Variants in ZC3H6 observed in about 807,000 individuals in gnomAD.
The protein encoded by ZC3H6 is zinc finger CCCH-type containing 6, also known as zinc finger CCCH domain-containing protein 6.
Under a neutral mutation model 107.7 loss-of-function variants are expected in ZC3H6, and 40 were observed. The ratio of observed to expected loss-of-function variants is 0.37; its 90% confidence interval spans 0.29 to 0.48. ZC3H6 has a LOEUF of 0.48. Ranked by LOEUF, ZC3H6 falls within the 20% of genes least tolerant of loss-of-function variation. The pLI is 0.98. For missense variants in ZC3H6, 1,267 were observed against 1,410.4 expected, an observed-to-expected ratio of 0.90 and a Z score of 1.63; for synonymous variants, 493 against 487.9, an observed-to-expected ratio of 1.01 and a Z score of -0.14.
intron 5 of ZC3H6, 157 bp downstream of exon 5, chr2:112,312,094 GTTAA>G (rs1676606019): frequency 1.2e-5 from 8 of 685,550 alleles, no homozygotes; most frequent in Non-Finnish European, 1.7e-5. Context: ...AAAAATAGTT[GTTAA>G]TTAGTTGTGA....
At chr2:112,323,945 C>T (rs759835609) in intron 9 of ZC3H6, among the ~76,000 whole-genome samples, 6 of 152,088 alleles carry the variant, frequency 3.9e-5, no homozygotes, top group East Asian at 3.8e-4. Flanking sequence ...GAACAGCTAA[C>T]GGTAAGCAGC....
rs555072899 is a variant in ZC3H6 at position 112,337,234 on chromosome 2, C to T, written c.*4746C>T. The T allele has an allele frequency of 6.6e-6, 1 of 151,730 alleles. No individual in the cohort carries two copies. Among genetic ancestry groups the T allele is most frequent in the South Asian group, 2.1e-4 (1 of 4,792 alleles). 9.4% of individuals were successfully genotyped at this position (151,730 alleles called of 1,614,324 possible). On this transcript the variant is annotated 3_prime_UTR_variant, in exon 12 of 12. Coordinates refer to ENST00000409871, the MANE Select transcript of ZC3H6 (RefSeq NM_198581.3). ...CTTCATGGTGAAAGTTTGGATTGAT[C>T]AATAATTTATTCCTATAAAGGTCTG...
intron 3 of ZC3H6, among the ~76,000 whole-genome samples, chr2:112,305,150 G>T (rs2104708845): frequency 6.6e-6 from 1 of 152,228 alleles, no homozygotes; most frequent in East Asian, 1.9e-4. Flanking sequence ...CAGCAACACT[G>T]ATATGTAGTT....
intron 11 of ZC3H6, among the ~76,000 whole-genome samples, chr2:112,330,518 A>T (rs11688511): frequency 0.13 from 19,048 of 152,126 alleles, 1,359 homozygotes; most frequent in Non-Finnish European, 0.16. Flanking sequence ...TTTTCTTTTT[A>T]GTCCATTGTT....
chr2:112,297,263 A>T (rs1676258371), intron 1 of ZC3H6, among the ~76,000 whole-genome samples: 1 of 152,252 alleles, frequency 6.6e-6, no homozygotes, highest in African/African-American at 2.4e-5. Flanking sequence ...ATTTTGAAGC[A>T]GATTTGAGAT....
intron 9 of ZC3H6, 113 bp downstream of exon 9, chr2:112,323,015 C>A: frequency 8.9e-7 from 1 of 1,122,878 alleles, no homozygotes; most frequent in Non-Finnish European, 1.3e-6. Flanking sequence ...AGAGATAGCA[C>A]ATATCTGGCA....
chr2:112,304,501 T>C (rs1676439365), intron 3 of ZC3H6, among the ~76,000 whole-genome samples: 1 of 152,196 alleles, frequency 6.6e-6, no homozygotes, highest in South Asian at 2.1e-4. Flanking sequence ...TGCTTTGTCC[T>C]AACATGGTCA....
At chr2:112,305,409 G>A (rs1388355838) in intron 3 of ZC3H6, among the ~76,000 whole-genome samples, 1 of 152,102 alleles carries the variant, frequency 6.6e-6, no homozygotes, top group Non-Finnish European at 1.5e-5. Flanking sequence ...GAGGCAAGAT[G>A]GATTTGTATG....
At position 112,317,257 on chromosome 2, in the gene ZC3H6, GAGAAA is replaced by G. The variant is rs1676717026; in HGVS notation, c.910_914del (p.Lys304AspfsTer21). On this transcript the variant is annotated frameshift_variant, in exon 7 of 12. Transcript: ENST00000409871. LOFTEE classifies it high-confidence loss of function. The stretch of plus-strand genomic sequence containing the variant: ...TAAATTTGATCATGATGCAGAGTTG[GAGAAA>G]AGAAAAGAGATCTGCAAATTTTATT... 1 of 1,577,614 alleles carries G rather than the reference GAGAAA, an allele frequency of 6.3e-7. No individual in the cohort carries two copies. The highest frequency in any genetic ancestry group is 8.6e-7 in the Non-Finnish European group (1 of 1,165,366).
Position 112,275,932 on chromosome 2 carries a change from C to T in ZC3H6, c.-63C>T, listed in dbSNP as rs1260802045. The T allele has an allele frequency of 1.4e-6, 2 of 1,469,834 alleles. No homozygotes were observed. Among genetic ancestry groups the T allele is most frequent in the African/African-American group, 1.5e-5 (1 of 67,992 alleles). 91.0% of individuals were successfully genotyped at this position (1,469,834 alleles called of 1,614,324 possible). On this transcript the variant is annotated 5_prime_UTR_variant, in exon 1 of 12. Transcript: ENST00000409871. ...CGCAGGCGGCGCGGGGGGTCTTCCC[C>T]GCGCCCCGCCGCCGCCGGCCTCGCA...
At chr2:112,279,601 A>G (rs1320541628) in intron 1 of ZC3H6, among the ~76,000 whole-genome samples, 1 of 152,074 alleles carries the variant, frequency 6.6e-6, no homozygotes, top group Non-Finnish European at 1.5e-5. Context: ...AAGAACAACA[A>G]AACTCCAACT....
At chr2:112,311,962 G>A (rs1676603438) in intron 5 of ZC3H6, 25 bp downstream of exon 5, 3 of 1,557,528 alleles carry the variant, frequency 1.9e-6, no homozygotes, top group Middle Eastern at 1.7e-4. Context: ...TGTATAAGGA[G>A]GGGAGGAGCT....
In ZC3H6 at chr2:112,310,046, T is replaced by A; in HGVS notation, c.498T>A (p.Asp166Glu). 3 of 1,613,458 alleles carry A rather than the reference T, an allele frequency of 1.9e-6. No individual in the cohort carries two copies. The highest frequency in any genetic ancestry group is 1.7e-6 in the Non-Finnish European group (2 of 1,179,686). Reference protein sequence around the residue: ...FGNYGQETEEDFANQLKQYRQ... With the variant: ...FGNYGQETEEEFANQLKQYRQ... ...ACTACGGTCAGGAAACAGAGGAAGA[T>A]TTTGCCAATCAGCTGAAACAATACA... The change falls in exon 4 of 12, where the codon GAT becomes GAA. Residue 166 changes from aspartate to glutamate, a missense_variant. Asp to Glu is a conservative substitution (Grantham distance 45). Coordinates refer to ENST00000409871, the MANE Select transcript of ZC3H6 (RefSeq NM_198581.3).
At chr2:112,295,737 G>A (rs931864416) in intron 1 of ZC3H6, among the ~76,000 whole-genome samples, 1 of 152,136 alleles carries the variant, frequency 6.6e-6, no homozygotes, top group Non-Finnish European at 1.5e-5. Context: ...ATGCTGAAAT[G>A]ATAAGTAGGC....
Position 112,332,378 on chromosome 2 carries a change from C to G in ZC3H6, c.3460C>G (p.Pro1154Ala). 6.2e-7 allele frequency: 1 copy of G among 1,613,780 alleles called. No individual in the cohort carries two copies. The highest frequency in any genetic ancestry group is 2.2e-5 in the East Asian group (1 of 44,870). Reference sequence around the variant, plus strand: ...CAGTGATCCAAGGCAGGCAAGGCAGCCAGGACAGGGGAGCCCGACCCCAGA... The same window carrying G: ...CAGTGATCCAAGGCAGGCAAGGCAGGCAGGACAGGGGAGCCCGACCCCAGA... ...QYSDPRQARQ[P>A]GQGSPTPDND... Residue 1154 changes from proline to alanine, a missense_variant, in exon 12 of 12, where the codon CCA (proline) becomes GCA (alanine). This residue lies in a region of ZC3H6 where 925 missense variants were observed against 1,025.7 expected (regional missense o/e 0.90). Coordinates refer to ENST00000409871, the MANE Select transcript of ZC3H6 (RefSeq NM_198581.3).
At chr2:112,320,265 A>G (rs973587013) in intron 7 of ZC3H6, among the ~76,000 whole-genome samples, 2 of 152,220 alleles carry the variant, frequency 1.3e-5, no homozygotes, top group African/African-American at 4.8e-5. Flanking sequence ...AATGAAATCT[A>G]TAATGATTGT....
At chr2:112,277,570 A>C (rs370297149) in intron 1 of ZC3H6, among the ~76,000 whole-genome samples, 1 of 152,208 alleles carries the variant, frequency 6.6e-6, no homozygotes, top group South Asian at 2.1e-4. Flanking sequence ...TGAAATTTTA[A>C]AATACTGGTT....
chr2:112,284,327 G>A (rs1490728487), intron 1 of ZC3H6, among the ~76,000 whole-genome samples: 3 of 152,064 alleles, frequency 2.0e-5, no homozygotes, highest in African/African-American at 4.8e-5. Context: ...TACATATTTT[G>A]GCTGTACATT....
chr2:112,275,831 G>T lies in ZC3H6; in HGVS notation c.-164G>T. On this transcript the variant is annotated 5_prime_UTR_variant, in exon 1 of 12. Transcript: ENST00000409871. ...TGGTTGTTAATAGACTGGAAAGTCT[G>T]TGTCTGTGTCGCTCACTAGTAACCG... 1.8e-6 allele frequency: 1 copy of T among 557,910 alleles called. No homozygotes were observed. The allele number at this position is 557,910 out of a possible 1,614,324, so 34.6% of individuals were successfully genotyped here. A position where few individuals can be genotyped will look rare whatever the true frequency, so the allele number is the denominator to read the frequency against.
Sources: allele counts gnomAD v4.1 joint callset (sites outside exome capture counted in the v4.1 genomes callset), GRCh38; gene constraint gnomAD v4.1.1; regional missense constraint gnomAD v4.1.1; transcripts MANE v1.5; gene names NCBI Gene and HGNC (gene_info 2026-07-23, HGNC 2026-07-21).